PXDNL: variants seen among roughly 807,000 people sequenced by gnomAD.
The protein encoded by PXDNL is probable oxidoreductase PXDNL.
Under a neutral mutation model 150.8 loss-of-function variants are expected in PXDNL, and 145 were observed. The observed-to-expected ratio is 0.96, with a 90% CI of 0.84 to 1.10. The LOEUF (loss-of-function observed/expected upper bound fraction) is 1.10, where lower values mean the gene tolerates loss of function less well. PXDNL is among the 50% of genes least tolerant of loss of function. PXDNL has a pLI of 0.00. For synonymous variants in PXDNL, 757 were observed against 725.7 expected, an observed-to-expected ratio of 1.04 and a Z score of -0.69; for missense variants, 2,087 against 1,873.9, an observed-to-expected ratio of 1.11 and a Z score of -2.10.
At chr8:51,320,058 C>G in intron 22 of PXDNL, 36 bp from the exon 23 acceptor site, 1 of 1,367,396 alleles carries the variant, frequency 7.3e-7, no homozygotes, top group Non-Finnish European at 9.5e-7. Flanking sequence ...CTCCATGTTT[C>G]TTATAATCAA....
chr8:51,375,729 T>G (rs10091540), intron 17 of PXDNL, among the ~76,000 whole-genome samples: 1,545 of 152,326 alleles, frequency 0.01, 20 homozygotes, highest in African/African-American at 0.034. Flanking sequence ...CTATGAACAT[T>G]CTCTACATGT....
chr8:51,585,302 G>C (rs1204301784), intron 3 of PXDNL, among the ~76,000 whole-genome samples: 1 of 152,136 alleles, frequency 6.6e-6, no homozygotes, highest in Non-Finnish European at 1.5e-5. Flanking sequence ...ATAAAGATTT[G>C]GGAGCCAGGA....
chr8:51,526,318 A>G (rs1811769457), intron 4 of PXDNL, among the ~76,000 whole-genome samples: 1 of 151,680 alleles, frequency 6.6e-6, no homozygotes, highest in Non-Finnish European at 1.5e-5. Flanking sequence ...ATCTTCCCGT[A>G]CCACTAAGTA....
At chr8:51,475,803 A>C (rs1294035398) in intron 6 of PXDNL, among the ~76,000 whole-genome samples, 2 of 149,884 alleles carry the variant, frequency 1.3e-5, no homozygotes, top group African/African-American at 4.9e-5. Flanking sequence ...AGTAGTCCCC[A>C]GTGTCTATCG....
chr8:51,441,972 G>T (rs974924634), intron 12 of PXDNL, among the ~76,000 whole-genome samples: 2 of 150,554 alleles, frequency 1.3e-5, no homozygotes, highest in African/African-American at 5.0e-5. Context: ...AGGCCACAAA[G>T]CAACAGAAGG....
intron 1 of PXDNL, among the ~76,000 whole-genome samples, chr8:51,773,876 A>G (rs2069119): frequency 0.18 from 27,327 of 152,192 alleles, 2,850 homozygotes; most frequent in Non-Finnish European, 0.22. Flanking sequence ...TGTAATGTAC[A>G]AAAAACTGAT....
At chr8:51,378,692 T>C (rs1243273205) in intron 17 of PXDNL, among the ~76,000 whole-genome samples, 1 of 149,416 alleles carries the variant, frequency 6.7e-6, no homozygotes, top group African/African-American at 2.6e-5. Context: ...ACTTCACTGC[T>C]GAGGCCAGCA....
intron 19 of PXDNL, among the ~76,000 whole-genome samples, chr8:51,347,069 T>C (rs1157119130): frequency 2.6e-5 from 4 of 152,130 alleles, no homozygotes; most frequent in African/African-American, 9.7e-5. Flanking sequence ...TTCTTAATAT[T>C]GGTGGGAAAA....
intron 17 of PXDNL, among the ~76,000 whole-genome samples, chr8:51,392,782 T>G (rs917710571): frequency 1.3e-5 from 2 of 152,206 alleles, no homozygotes; most frequent in Admixed American, 6.5e-5. Flanking sequence ...CTATGTTGAA[T>G]AGGAGTGGTG....
chr8:51,343,937 G>T (rs1220893929), intron 20 of PXDNL, among the ~76,000 whole-genome samples: 1 of 152,146 alleles, frequency 6.6e-6, no homozygotes, highest in African/African-American at 2.4e-5. Context: ...CAATTACCTT[G>T]CCTGGATTAG....
intron 1 of PXDNL, among the ~76,000 whole-genome samples, chr8:51,799,386 CTTAAAA>C (rs1342215236): frequency 1.3e-5 from 2 of 152,072 alleles, no homozygotes; most frequent in Non-Finnish European, 1.5e-5. Flanking sequence ...TATCCTGGAA[CTTAAAA>C]TTAAATTAAA....
intron 3 of PXDNL, among the ~76,000 whole-genome samples, chr8:51,557,418 C>T (rs116292040): frequency 0.023 from 3,567 of 152,114 alleles, 130 homozygotes; most frequent in African/African-American, 0.076. Flanking sequence ...TTTATAAATA[C>T]GATGATACAA....
At chr8:51,656,449 C>G (rs974693684) in intron 1 of PXDNL, among the ~76,000 whole-genome samples, 7 of 152,082 alleles carry the variant, frequency 4.6e-5, no homozygotes, top group African/African-American at 1.7e-4. Context: ...TGAGATCCTC[C>G]CTATAAACAT....
chr8:51,709,304 G>C (rs1231228744), intron 1 of PXDNL, among the ~76,000 whole-genome samples: 2 of 151,672 alleles, frequency 1.3e-5, no homozygotes, highest in Non-Finnish European at 2.9e-5. Flanking sequence ...GCCCAGGCTG[G>C]AGTGCAATGG....
chr8:51,553,836 A>C (rs1474436765), intron 4 of PXDNL, among the ~76,000 whole-genome samples: 1 of 151,192 alleles, frequency 6.6e-6, no homozygotes, highest in African/African-American at 2.4e-5. Context: ...CACTTTATTA[A>C]AATGAATTGA....
intron 2 of PXDNL, among the ~76,000 whole-genome samples, chr8:51,602,796 T>A (rs1813752142): frequency 6.6e-6 from 1 of 151,702 alleles, no homozygotes; most frequent in South Asian, 2.1e-4. Flanking sequence ...TTTCAAAGTT[T>A]ATGTAATTTC....
At chr8:51,737,260 T>C (rs2130945864) in intron 1 of PXDNL, among the ~76,000 whole-genome samples, 2 of 152,374 alleles carry the variant, frequency 1.3e-5, no homozygotes, top group South Asian at 4.1e-4. Context: ...TCCTCTACTC[T>C]AAACACTTAC....
chr8:51,613,356 T>A (rs1426766410), intron 2 of PXDNL, among the ~76,000 whole-genome samples: 1 of 151,804 alleles, frequency 6.6e-6, no homozygotes, highest in Non-Finnish European at 1.5e-5. Flanking sequence ...AGGACTGAGA[T>A]AAGGCCTAAA....
At chr8:51,774,854 C>T in intron 1 of PXDNL, among the ~76,000 whole-genome samples, 1 of 152,000 alleles carries the variant, frequency 6.6e-6, no homozygotes, top group Non-Finnish European at 1.5e-5. Context: ...AAAATAATTC[C>T]CCTATGTTGT....
Sources: gnomAD v4.1 joint callset for allele counts (sites outside exome capture counted in the v4.1 genomes callset) on GRCh38, gnomAD v4.1.1 for gene constraint, MANE v1.5 for transcripts, NCBI Gene and HGNC (gene_info 2026-07-23, HGNC 2026-07-21) for gene names.